The following PIK3CB variants were observed in gnomAD, a reference collection of about 807,000 sequenced individuals.
PIK3CB encodes phosphatidylinositol 4,5-bisphosphate 3-kinase catalytic subunit beta isoform.
Under a neutral mutation model 136.8 loss-of-function variants are expected in PIK3CB, and 39 were observed. That is an observed-to-expected ratio of 0.29 (90% CI 0.22 to 0.37). The LOEUF (loss-of-function observed/expected upper bound fraction) is 0.37, where lower values mean the gene tolerates loss of function less well. PIK3CB is among the 10% of genes least tolerant of loss of function. PIK3CB has a pLI of 1.00. For synonymous variants in PIK3CB, 428 were observed against 436.6 expected, an observed-to-expected ratio of 0.98 and a Z score of 0.25; for missense variants, 868 against 1,275.4, an observed-to-expected ratio of 0.68 and a Z score of 4.87.
At chr3:138,701,958 G>A (rs1295686752) in intron 12 of PIK3CB, among the ~76,000 whole-genome samples, 4 of 150,274 alleles carry the variant, frequency 2.7e-5, no homozygotes, top group African/African-American at 9.8e-5. Flanking sequence ...TTTTATATAT[G>A]TATATATAGA....
intron 7 of PIK3CB, 141 bp downstream of exon 7, chr3:138,734,493 T>C (rs2045058843): frequency 2.0e-6 from 1 of 492,728 alleles, no homozygotes; most frequent in Non-Finnish European, 3.5e-6. Context: ...AATTTTTAAA[T>C]AAATGGTGAT....
intron 8 of PIK3CB, among the ~76,000 whole-genome samples, chr3:138,726,808 G>A (rs1035538831): frequency 6.6e-6 from 1 of 151,902 alleles, no homozygotes; most frequent in East Asian, 1.9e-4. Context: ...TTGGGAGGCT[G>A]AGGCAGAAGG....
intron 2 of PIK3CB, chr3:138,770,693 G>GA (rs1193488642): frequency 6.6e-6 from 1 of 151,956 alleles, no homozygotes; most frequent in African/African-American, 2.4e-5. Flanking sequence ...AAATATAAAA[G>GA]AAAAAACATT....
intron 1 of PIK3CB, among the ~76,000 whole-genome samples, chr3:138,800,467 C>A (rs1370816291): frequency 6.6e-6 from 1 of 151,176 alleles, no homozygotes; most frequent in South Asian, 2.1e-4. Flanking sequence ...GGACTACAGG[C>A]GTGTGCCACC....
At chr3:138,663,850 TATACATAAGAA>T in intron 21 of PIK3CB, 45 bp downstream of exon 21, 1 of 1,564,466 alleles carries the variant, frequency 6.4e-7, no homozygotes, top group Non-Finnish European at 8.7e-7. Context: ...GAGATTATGC[TATACATAAGAA>T]ATAGCATTAC....
At chr3:138,820,215 T>A (rs1933499671) in intron 1 of PIK3CB, among the ~76,000 whole-genome samples, 1 of 152,172 alleles carries the variant, frequency 6.6e-6, no homozygotes, top group African/African-American at 2.4e-5. Context: ...TTGTACAAGC[T>A]AAAATCGTCC....
intron 2 of PIK3CB, among the ~76,000 whole-genome samples, chr3:138,768,602 C>T (rs2045762893): frequency 6.6e-6 from 1 of 152,192 alleles, no homozygotes; most frequent in East Asian, 1.9e-4. Context: ...CTACTTCCAC[C>T]CAGAAACCTG....
intron 5 of PIK3CB, among the ~76,000 whole-genome samples, chr3:138,739,022 G>A (rs1247726025): frequency 6.6e-6 from 1 of 152,120 alleles, no homozygotes; most frequent in Non-Finnish European, 1.5e-5. Context: ...CTGAATGTTT[G>A]TGTCTCCCCT....
chr3:138,833,368 GA>G (rs565250542), intron 1 of PIK3CB, among the ~76,000 whole-genome samples: 5 of 151,974 alleles, frequency 3.3e-5, no homozygotes, highest in Admixed American at 3.3e-4. Context: ...CACCTGGTCA[GA>G]AAAAAGACTT....
At chr3:138,694,931 C>A in intron 13 of PIK3CB, 24 bp from the exon 14 acceptor site, 1 of 1,587,428 alleles carries the variant, frequency 6.3e-7, no homozygotes, top group South Asian at 1.2e-5. Flanking sequence ...GAAACTGGTT[C>A]AGAAATAATG....
intron 1 of PIK3CB, among the ~76,000 whole-genome samples, chr3:138,828,250 A>G (rs1262822206): frequency 7.3e-6 from 1 of 136,356 alleles, no homozygotes; most frequent in Non-Finnish European, 1.5e-5. Flanking sequence ...CAATGGCGCG[A>G]TCTCGGCTCA....
At chr3:138,808,860 T>A (rs13082808) in intron 1 of PIK3CB, among the ~76,000 whole-genome samples, 61,223 of 151,584 alleles carry the variant, frequency 0.4, 13,206 homozygotes, top group Middle Eastern at 0.47. Flanking sequence ...ACATTTTATA[T>A]ATTTAAAAGT....
Position 138,826,058 on chromosome 3 carries a change from G to A in PIK3CB, c.-122+8637C>T. Reference sequence around the variant, plus strand: ...CACAGCTTACACAGCTTGCAAGTTTGCTGACCTGAAGGAAAAAGATTGATC... The same window carrying A: ...CACAGCTTACACAGCTTGCAAGTTTACTGACCTGAAGGAAAAAGATTGATC... On this transcript the variant is annotated intron_variant, in intron 1 of 23. Coordinates refer to ENST00000674063, the MANE Select transcript of PIK3CB (RefSeq NM_006219.3). 3.3e-6 allele frequency: 4 copies of A among 1,226,086 alleles called. No individual in the cohort carries two copies. The Admixed American group carries it at 5.5e-5, about 17-fold the overall frequency. 76.0% of individuals were successfully genotyped at this position (1,226,086 alleles called of 1,614,324 possible).
At position 138,699,058 on chromosome 3, in the gene PIK3CB, T is replaced by C. The variant is rs779358333; in HGVS notation, c.1619A>G (p.Glu540Gly). The change falls in exon 13 of 24, where the codon GAA (glutamate) becomes GGA (glycine). Residue 540 changes from glutamate to glycine, a missense_variant. Physicochemically the swap from Glu to Gly is moderately conservative, Grantham distance 98. Transcript: ENST00000674063. ...GGKKFLPVLK[E>G]ILDRDPLSQL... ...AGACAAGGGATCCCTGTCCAAGATT[T>C]CTTTCAATACAGGAAGAAACTTTTT... 10 of 1,593,556 alleles carry C rather than the reference T, an allele frequency of 6.3e-6. No homozygotes were observed. Among genetic ancestry groups the C allele is most frequent in the Non-Finnish European group, 8.6e-6 (10 of 1,166,240 alleles).
At chr3:138,703,717 T>C (rs2044306277) in intron 12 of PIK3CB, among the ~76,000 whole-genome samples, 1 of 152,124 alleles carries the variant, frequency 6.6e-6, no homozygotes, top group Admixed American at 6.6e-5. Context: ...ATGGGAATAG[T>C]ATATGTGGCA....
intron 20 of PIK3CB, among the ~76,000 whole-genome samples, chr3:138,664,626 T>C (rs1178240715): frequency 6.6e-6 from 1 of 152,232 alleles, no homozygotes; most frequent in African/African-American, 2.4e-5. Context: ...TCCTATATAT[T>C]AGTGCTTTTC....
In PIK3CB at chr3:138,707,167, A is replaced by T; in HGVS notation, c.1522T>A (p.Phe508Ile). The change falls in exon 11 of 24, where the codon TTC (phenylalanine) becomes ATC (isoleucine). Residue 508 changes from phenylalanine (F) to isoleucine (I), a missense_variant. Around this residue, in one of 4 missense-constraint regions of PIK3CB, gnomAD observed 612 missense variants for 801.1 expected, o/e 0.76. Transcript: ENST00000674063. Reference protein sequence around the residue: ...NKKQPYYYPPFDKIIEKAAEI... With the variant: ...NKKQPYYYPPIDKIIEKAAEI... ...TTAAATAATTAGCTTACCTTATCGA[A>T]GGGAGGGTAATAATAAGGTTGTTTT... 1.3e-6 allele frequency: 2 copies of T among 1,570,118 alleles called. No individual in the cohort carries two copies. Among genetic ancestry groups the T allele is most frequent in the South Asian group, 1.1e-5 (1 of 89,292 alleles).
At chr3:138,765,419 G>C (rs1167437930) in intron 2 of PIK3CB, among the ~76,000 whole-genome samples, 1 of 152,084 alleles carries the variant, frequency 6.6e-6, no homozygotes, top group Non-Finnish European at 1.5e-5. Context: ...CTTCAATATA[G>C]TCTTTCAGCA....
intron 1 of PIK3CB, among the ~76,000 whole-genome samples, chr3:138,822,312 T>G (rs1227193077): frequency 6.6e-6 from 1 of 151,940 alleles, no homozygotes; most frequent in Non-Finnish European, 1.5e-5. Flanking sequence ...GGCAGGCAGA[T>G]CACAAGGTCA....
Sources: gnomAD v4.1 joint callset for allele counts (sites outside exome capture counted in the v4.1 genomes callset) on GRCh38, gnomAD v4.1.1 for gene constraint, gnomAD v4.1.1 regional missense constraint, MANE v1.5 for transcripts, NCBI Gene and HGNC (gene_info 2026-07-23, HGNC 2026-07-21) for gene names.